PRAME: variants seen among roughly 807,000 people sequenced by gnomAD.
PRAME encodes the protein PRAME nuclear receptor transcriptional regulator.
Under a neutral mutation model 32.1 loss-of-function variants are expected in PRAME, and 21 were observed. The ratio of observed to expected loss-of-function variants is 0.65; its 90% CI spans 0.46 to 0.94. PRAME has a LOEUF of 0.94. Among genes scored for constraint, PRAME ranks in the 40% least tolerant of loss-of-function variants. PRAME has a pLI of 0.00. For missense variants in PRAME, 651 were observed against 622.3 expected, an observed-to-expected ratio of 1.05 and a Z score of -0.49; for synonymous variants, 274 against 251.5, an observed-to-expected ratio of 1.09 and a Z score of -0.85.
intron 3 of PRAME, chr22:22,554,053 T>C: frequency 1.0e-6 from 1 of 985,186 alleles, no homozygotes; most frequent in African/African-American, 1.7e-5. Flanking sequence ...ACTCAGTTTT[T>C]CTCTATTTCC....
chr22:22,552,825 GCAGAAGCCATCTGCC>G (rs1569223857), intron 3 of PRAME: 1 of 470,758 alleles, frequency 2.1e-6, no homozygotes. Flanking sequence ...CAGCTGTGGT[GCAGAAGCCATCTGCC>G]CAGACCTCTG....
chr22:22,554,449 T>C (rs2062781586), intron 3 of PRAME, among the ~76,000 whole-genome samples: 1 of 151,962 alleles, frequency 6.6e-6, no homozygotes, highest in Non-Finnish European at 1.5e-5. Context: ...CTACAATTTG[T>C]TCTACATTTC....
chr22:22,550,764 T>C lies in PRAME; in HGVS notation c.344+3A>G, dbSNP rs2062519727. On this transcript the variant is annotated splice_donor_region_variant and intron_variant, in intron 4 of 5. Coordinates refer to ENST00000405655, the MANE Select transcript of PRAME (RefSeq NM_206956.3). ...CCACACCAAGCTGCTAGGTCACCCT[T>C]ACCTGGGGCGAACCTCCTGGGCAAG... The C allele has an allele frequency of 6.4e-7, 1 of 1,573,206 alleles. No individual in the cohort carries two copies. The highest frequency in any genetic ancestry group is 8.6e-7 in the Non-Finnish European group (1 of 1,156,650).
At chr22:22,555,784 C>T (rs780324672) in intron 3 of PRAME, 2 of 444,962 alleles carry the variant, frequency 4.5e-6, no homozygotes, top group Non-Finnish European at 9.6e-6. Flanking sequence ...AGGTGGCACC[C>T]AAGGATGAGG....
At position 22,556,879 on chromosome 22, in the gene PRAME, C is replaced by G. The variant is rs2062959323; in HGVS notation, c.-47G>C. ...CTCAGGACCTCCAACGCTTGGATTT[C>G]TAGGTCTCAGTCACTTGTTGCCACG... On this transcript the variant is annotated 5_prime_UTR_variant, in exon 3 of 6. Transcript: ENST00000405655. 6.2e-7 allele frequency: 1 copy of G among 1,611,756 alleles called. No individual in the cohort carries two copies. The highest frequency in any genetic ancestry group is 1.3e-5 in the African/African-American group (1 of 74,822).
rs1569220465 is a variant in PRAME, at chr22:22,550,983, GC to G, written c.127del (p.Ala43ProfsTer27). 1.2e-6 allele frequency: 2 copies of G among 1,613,462 alleles called. No individual in the cohort carries two copies. Among genetic ancestry groups the G allele is most frequent in the Non-Finnish European group, 1.7e-6 (2 of 1,179,866 alleles). On this transcript the variant is annotated frameshift_variant, in exon 4 of 6. Transcript: ENST00000405655. LOFTEE classifies it high-confidence loss of function. Reference sequence around the variant, plus strand: ...CTCCCTGGGCAGCAACTCCAGGGCGGCAATGGCCAGGGCCTCATCCTTCAGC... The same window carrying G: ...CTCCCTGGGCAGCAACTCCAGGGCGGAATGGCCAGGGCCTCATCCTTCAGC... ...SLLKDEALAI[A>X]ALELLPRELF...
At position 22,550,807 on chromosome 22, in the gene PRAME, C is replaced by T; in HGVS notation, c.304G>A (p.Asp102Asn). 6.2e-7 allele frequency: 1 copy of T among 1,607,382 alleles called. No homozygotes were observed. The highest frequency in any genetic ancestry group is 8.5e-7 in the Non-Finnish European group (1 of 1,175,528). ...TGGGCAAGGAGCACATCAAGTCCATCAAGCACAGCTTTGAAGGTCTCCAGG... is the reference window on the plus strand; with the variant it reads ...TGGGCAAGGAGCACATCAAGTCCATTAAGCACAGCTTTGAAGGTCTCCAGG... ...LHLETFKAVL[D>N]GLDVLLAQEV... The change falls in exon 4 of 6, where the codon GAT (aspartate) becomes AAT (asparagine). Residue 102 changes from aspartate to asparagine, a missense_variant. Transcript: ENST00000405655.
chr22:22,558,690 G>T, intron 1 of PRAME, among the ~76,000 whole-genome samples: 1 of 150,596 alleles, frequency 6.6e-6, no homozygotes, highest in Non-Finnish European at 1.5e-5. Flanking sequence ...TGGGGAGGCG[G>T]GGGGCTGACT....
In PRAME at chr22:22,549,802, G is replaced by A. The variant is rs1296163904; in HGVS notation, c.877C>T (p.Leu293Phe). ...QYIAQFTSQF[L>F]SLQCLQALYV... ...AGAGCCTGCAGGCACTGCAGACTGA[G>A]GAACTGAGAGGTGAACTGGGCGATA... Residue 293 changes from leucine to phenylalanine, a missense_variant, in exon 5 of 6, where the codon CTC becomes TTC. Coordinates refer to ENST00000405655, the MANE Select transcript of PRAME (RefSeq NM_206956.3). The A allele has an allele frequency of 1.2e-6, 2 of 1,613,854 alleles. No individual in the cohort carries two copies. The highest frequency in any genetic ancestry group is 1.3e-5 in the African/African-American group (1 of 75,002).
At chr22:22,552,844 A>C (rs2062675380) in intron 3 of PRAME, 1 of 470,578 alleles carries the variant, frequency 2.1e-6, no homozygotes, top group Non-Finnish European at 4.4e-6. Flanking sequence ...ATCTGCCCAG[A>C]CCTCTGGGAA....
Position 22,550,824 on chromosome 22 carries a change from G to A in PRAME, c.287C>T (p.Thr96Ile). The A allele has an allele frequency of 6.2e-7, 1 of 1,612,182 alleles. No individual in the cohort carries two copies. The highest frequency in any genetic ancestry group is 1.7e-5 in the Admixed American group (1 of 59,906). Reference sequence around the variant, plus strand: ...AAGTCCATCAAGCACAGCTTTGAAGGTCTCCAGGTGAAGATGTTGTCCCTT... The same window carrying A: ...AAGTCCATCAAGCACAGCTTTGAAGATCTCCAGGTGAAGATGTTGTCCCTT... ...LMKGQHLHLE[T>I]FKAVLDGLDV... Residue 96 changes from threonine (T) to isoleucine (I), a missense_variant, in exon 4 of 6, where the codon ACC (threonine) becomes ATC (isoleucine). Coordinates refer to ENST00000405655, the MANE Select transcript of PRAME (RefSeq NM_206956.3).
intron 1 of PRAME, among the ~76,000 whole-genome samples, chr22:22,558,678 AGTGGG>A (rs2063146053): frequency 2.8e-5 from 1 of 35,220 alleles, no homozygotes; most frequent in Non-Finnish European, 6.4e-5. Flanking sequence ...ATGGAGAGGC[AGTGGG>A]GAGGCGGGGG....
intron 3 of PRAME, chr22:22,554,191 G>A: frequency 1.0e-6 from 1 of 985,054 alleles, no homozygotes. Context: ...TTGAAGTTTT[G>A]GAACCTCTCC....
chr22:22,549,310 G>A (rs1301468891), intron 5 of PRAME, among the ~76,000 whole-genome samples: 1 of 151,948 alleles, frequency 6.6e-6, no homozygotes, highest in East Asian at 2.0e-4. Context: ...GGCAGGTTTA[G>A]AGGGAGCAGC....
chr22:22,552,788 A>G (rs566232646), intron 3 of PRAME: 1 of 469,938 alleles, frequency 2.1e-6, no homozygotes, highest in African/African-American at 2.0e-5. Flanking sequence ...CAGTGGCCAT[A>G]GCCTGAGGCT....
At chr22:22,549,498 C>T (rs2062439865) in intron 5 of PRAME, among the ~76,000 whole-genome samples, 1 of 151,914 alleles carries the variant, frequency 6.6e-6, no homozygotes, top group South Asian at 2.1e-4. Context: ...AGTTTTCTAA[C>T]AAGGAGTCAC....
intron 3 of PRAME, chr22:22,552,765 CAGT>C (rs1173657680): frequency 4.3e-6 from 2 of 464,438 alleles, no homozygotes; most frequent in Admixed American, 4.8e-5. Flanking sequence ...CCTGAGGTGA[CAGT>C]AGAAGGAGGC....
chr22:22,549,626 T>C, intron 5 of PRAME, 100 bp downstream of exon 5: 2 of 1,436,008 alleles, frequency 1.4e-6, no homozygotes, highest in South Asian at 1.5e-5. Context: ...TTGCTCACTC[T>C]TGCATTATTG....
In PRAME at chr22:22,559,244, C is replaced by T. The variant is rs2063184021; in HGVS notation, c.-387G>A. On this transcript the variant is annotated 5_prime_UTR_variant, in exon 1 of 6. Transcript: ENST00000405655. ...CGGTGCTGAGGCGCTGCAGGCCCGG[C>T]TTCTGGCTGCGGGGGAGCTGTACCC... 1 of 312,894 alleles carries T rather than the reference C, an allele frequency of 3.2e-6. No homozygotes were observed. The highest frequency in any genetic ancestry group is 6.3e-6 in the Non-Finnish European group (1 of 159,422). The allele number at this position is 312,894 out of a possible 1,614,324, so 19.4% of individuals were successfully genotyped here. A position where few individuals can be genotyped will look rare whatever the true frequency, so the allele number is the denominator to read the frequency against.
Sources: allele counts gnomAD v4.1 joint callset (sites outside exome capture counted in the v4.1 genomes callset), GRCh38; gene constraint gnomAD v4.1.1; transcripts MANE v1.5; gene names NCBI Gene and HGNC (gene_info 2026-07-23, HGNC 2026-07-21).